GALNTL6: variants seen among roughly 807,000 people sequenced by gnomAD.
The protein encoded by GALNTL6 is polypeptide N-acetylgalactosaminyltransferase-like 6.
In GALNTL6, 46 loss-of-function variants were observed where a neutral mutation model predicts 73.7. The ratio of observed to expected loss-of-function variants is 0.62; its 90% CI spans 0.49 to 0.80. The LOEUF (loss-of-function observed/expected upper bound fraction) is 0.80, where lower values mean the gene tolerates loss of function less well. Among genes scored for constraint, GALNTL6 ranks in the 30% least tolerant of loss-of-function variants. The probability of loss-of-function intolerance (pLI) is 0.00; values close to 1 mark genes in which losing one functional copy is unlikely to be tolerated. For missense variants in GALNTL6, 604 were observed against 755.0 expected, an observed-to-expected ratio of 0.80 and a Z score of 2.34; for synonymous variants, 259 against 263.7, an observed-to-expected ratio of 0.98 and a Z score of 0.17.
At chr4:172,039,630 A>G (rs1267749406) in intron 2 of GALNTL6, among the ~76,000 whole-genome samples, 3 of 152,170 alleles carry the variant, frequency 2.0e-5, no homozygotes, top group African/African-American at 7.2e-5. Context: ...AGAGGAACAC[A>G]TGAGACCTGA....
chr4:172,971,826 C>A (rs1201239996), intron 10 of GALNTL6, among the ~76,000 whole-genome samples: 2 of 151,918 alleles, frequency 1.3e-5, no homozygotes, highest in South Asian at 2.1e-4. Context: ...TTCTAGATAA[C>A]AGTAAATTAT....
chr4:172,666,225 T>A (rs915093363), intron 5 of GALNTL6, among the ~76,000 whole-genome samples: 41 of 152,144 alleles, frequency 2.7e-4, no homozygotes, highest in Non-Finnish European at 5.4e-4. Context: ...CAAAAAAAAA[T>A]TTTTCAGAAC....
chr4:172,012,725 T>C lies in GALNTL6; in HGVS notation c.138+198007T>C, dbSNP rs181155965. Among the ~76,000 whole-genome samples the C allele has an allele frequency of 1.5e-4, 22 of 147,048 alleles. No individual in the cohort carries two copies. In the East Asian group the frequency reaches 4.1e-3, roughly 28 times the overall value. On this transcript the variant is annotated intron_variant, in intron 2 of 12. Transcript: ENST00000506823. ...AGGTCATTTCTCTTCTACTCCCCTATAATCTCCTCACATCATTATTATTGT... is the reference window on the plus strand; with the variant it reads ...AGGTCATTTCTCTTCTACTCCCCTACAATCTCCTCACATCATTATTATTGT...
At chr4:172,909,538 T>C (rs1017856941) in intron 8 of GALNTL6, among the ~76,000 whole-genome samples, 4 of 152,072 alleles carry the variant, frequency 2.6e-5, no homozygotes, top group Admixed American at 1.3e-4. Flanking sequence ...TTGAAAGTTA[T>C]TGATTCTCAA....
At chr4:172,831,705 A>C (rs969651758) in intron 7 of GALNTL6, among the ~76,000 whole-genome samples, 5 of 152,186 alleles carry the variant, frequency 3.3e-5, no homozygotes, top group South Asian at 4.1e-4. Context: ...CATATGTCAA[A>C]GCCTAAAGCC....
At chr4:172,806,465 C>G (rs1174022219) in intron 5 of GALNTL6, among the ~76,000 whole-genome samples, 1 of 152,126 alleles carries the variant, frequency 6.6e-6, no homozygotes, top group Non-Finnish European at 1.5e-5. Context: ...CCAAAGAATA[C>G]AAAAGTCTAA....
At chr4:172,371,924 G>T (rs1301886077) in intron 5 of GALNTL6, among the ~76,000 whole-genome samples, 2 of 152,150 alleles carry the variant, frequency 1.3e-5, no homozygotes, top group African/African-American at 4.8e-5. Flanking sequence ...CCAGCAGTTA[G>T]GAACCCCCTT....
intron 5 of GALNTL6, among the ~76,000 whole-genome samples, chr4:172,565,984 A>T (rs1446007128): frequency 6.6e-6 from 1 of 152,160 alleles, no homozygotes; most frequent in East Asian, 1.9e-4. Context: ...TCATTTCATC[A>T]GTAAGATATA....
intron 2 of GALNTL6, among the ~76,000 whole-genome samples, chr4:171,969,325 T>A (rs575838077): frequency 4.6e-5 from 7 of 152,330 alleles, no homozygotes; most frequent in African/African-American, 1.7e-4. Flanking sequence ...GTTTGCACTA[T>A]GGCAAACACT....
chr4:172,937,447 T>C lies in GALNTL6; in HGVS notation c.1149+6179T>C, dbSNP rs1004465046. 5.3e-5 allele frequency among the ~76,000 whole-genome samples: 8 copies of C among 151,968 alleles called. No homozygotes were observed. In the East Asian group the frequency reaches 7.7e-4, roughly 15 times the overall value. On this transcript the variant is annotated intron_variant, in intron 9 of 12. Coordinates refer to ENST00000506823, the MANE Select transcript of GALNTL6 (RefSeq NM_001034845.3). The stretch of plus-strand genomic sequence containing the variant: ...AAGAGGAAAGGGGAAGAGACTGAGA[T>C]TGGTTTTAGATAAGGTTAAGTGACA...
chr4:172,948,752 G>A (rs1749297678), intron 9 of GALNTL6, among the ~76,000 whole-genome samples: 1 of 151,736 alleles, frequency 6.6e-6, no homozygotes, highest in Non-Finnish European at 1.5e-5. Context: ...ATTACAGCAT[G>A]AGCCACGGCA....
chr4:172,520,763 T>C (rs1734751763), intron 5 of GALNTL6, among the ~76,000 whole-genome samples: 1 of 152,040 alleles, frequency 6.6e-6, no homozygotes, highest in Non-Finnish European at 1.5e-5. Flanking sequence ...ACTAACATAT[T>C]CTCATATCTG....
At chr4:172,622,875 G>T (rs191572068) in intron 5 of GALNTL6, among the ~76,000 whole-genome samples, 65 of 152,136 alleles carry the variant, frequency 4.3e-4, no homozygotes, top group Middle Eastern at 3.4e-3. Flanking sequence ...AAGCGTTTAA[G>T]GTTGAACAGT....
chr4:172,630,758 G>T (rs1002258909), intron 5 of GALNTL6, among the ~76,000 whole-genome samples: 2 of 148,536 alleles, frequency 1.3e-5, no homozygotes, highest in African/African-American at 4.9e-5. Flanking sequence ...TTTCCACAAA[G>T]CTATCTTGTT....
rs772194736 is a variant in GALNTL6, at chr4:172,952,174, C to T, written c.1287C>T (p.Asp429=). ...TGCGCAAGCAGCTCAAGTGCAAGGACTTCAAATGGTTCATGGCTGCTGTGG... is the reference window on the plus strand; with the variant it reads ...TGCGCAAGCAGCTCAAGTGCAAGGATTTCAAATGGTTCATGGCTGCTGTGG... ...KELRKQLKCK[D]FKWFMAAVAW... is the part of the protein sequence containing the mutation. The change falls in exon 10 of 13, where the codon GAC becomes GAT. Residue 429 remains aspartate (D), a synonymous_variant. Transcript: ENST00000506823. 20 of 1,613,996 alleles carry T rather than the reference C, an allele frequency of 1.2e-5. No individual in the cohort carries two copies. The Admixed American group carries it at 2.5e-4, about 20-fold the overall frequency.
chr4:172,670,324 A>G (rs1731905497), intron 5 of GALNTL6, among the ~76,000 whole-genome samples: 1 of 151,760 alleles, frequency 6.6e-6, no homozygotes, highest in South Asian at 2.1e-4. Context: ...CTTTTTTTTT[A>G]CTTTTTAATA....
chr4:171,950,197 C>A (rs1441919520), intron 2 of GALNTL6, among the ~76,000 whole-genome samples: 2 of 152,076 alleles, frequency 1.3e-5, no homozygotes, highest in East Asian at 3.9e-4. Flanking sequence ...GTATACTTGT[C>A]AAAAATATCA....
chr4:172,631,868 T>C (rs978246098), intron 5 of GALNTL6, among the ~76,000 whole-genome samples: 1 of 152,240 alleles, frequency 6.6e-6, no homozygotes, highest in Admixed American at 6.5e-5. Flanking sequence ...CAAACATATC[T>C]GAAGCCATAA....
chr4:171,976,186 G>A (rs1739716956), intron 2 of GALNTL6, among the ~76,000 whole-genome samples: 1 of 152,178 alleles, frequency 6.6e-6, no homozygotes, highest in African/African-American at 2.4e-5. Context: ...ACCTCCCAAA[G>A]TGCTGGGAAT....
Sources: gnomAD v4.1 joint callset for allele counts (sites outside exome capture counted in the v4.1 genomes callset) on GRCh38, gnomAD v4.1.1 for gene constraint, MANE v1.5 for transcripts, NCBI Gene and HGNC (gene_info 2026-07-23, HGNC 2026-07-21) for gene names.